ANKRD31: variants seen among roughly 807,000 people sequenced by gnomAD.
The protein encoded by ANKRD31 is ankyrin repeat domain 31.
ANKRD31 carries 147 observed loss-of-function variants against 186.0 expected under a neutral mutation model. The ratio of observed to expected loss-of-function variants is 0.79; its 90% CI spans 0.69 to 0.91. The LOEUF is 0.91. Among genes scored for constraint, ANKRD31 ranks in the 40% least tolerant of loss-of-function variants. The probability of loss-of-function intolerance (pLI) is 0.00; values close to 1 mark genes in which losing one functional copy is unlikely to be tolerated. For missense variants in ANKRD31, 1,986 were observed against 2,148.8 expected (o/e 0.92, Z 1.50); for synonymous variants, 673 against 736.4 (o/e 0.91, Z 1.39).
Position 75,175,843 on chromosome 5 carries a change from G to A in ANKRD31, c.1565-6722C>T, listed in dbSNP as rs556843262. Among the ~76,000 whole-genome samples the A allele has an allele frequency of 3.9e-5, 6 of 152,180 alleles. No homozygotes were observed. In the South Asian group the frequency reaches 1.2e-3, roughly 32 times the overall value. On this transcript the variant is annotated intron_variant, in intron 10 of 25. Coordinates refer to ENST00000506364, the MANE Select transcript of ANKRD31 (RefSeq NM_001372053.1). ...ACGGGTGATTTCTGCATTTCCAACTGCGGTACCGAGTTCATCTCACTGTGG... is the reference window on the plus strand; with the variant it reads ...ACGGGTGATTTCTGCATTTCCAACTACGGTACCGAGTTCATCTCACTGTGG...
intron 5 of ANKRD31, among the ~76,000 whole-genome samples, chr5:75,200,237 C>T (rs1414595947): frequency 1.3e-5 from 2 of 151,914 alleles, no homozygotes; most frequent in Non-Finnish European, 2.9e-5. Flanking sequence ...CAAGTTAGGT[C>T]AAAGGAGGAT....
chr5:75,116,814 C>G, intron 18 of ANKRD31, 133 bp from the exon 19 acceptor site: 1 of 447,916 alleles, frequency 2.2e-6, no homozygotes, highest in African/African-American at 2.0e-5. Context: ...CAACACTCAT[C>G]ATCGTCATTA....
chr5:75,103,233 C>A (rs542342492), intron 22 of ANKRD31, among the ~76,000 whole-genome samples: 139 of 152,112 alleles, frequency 9.1e-4, no homozygotes, highest in African/African-American at 3.2e-3. Context: ...ATATGGCCAA[C>A]AAAGATATGA....
chr5:75,175,927 G>A (rs1358238211), intron 10 of ANKRD31, among the ~76,000 whole-genome samples: 3 of 152,086 alleles, frequency 2.0e-5, no homozygotes, highest in Admixed American at 6.5e-5. Context: ...AGCCGAAGCA[G>A]GGTGAGGCAT....
In ANKRD31 at chr5:75,104,516, G is replaced by T. The variant is rs1747171363; in HGVS notation, c.5043C>A (p.Ser1681=). The T allele has an allele frequency of 2.0e-6, 3 of 1,537,026 alleles. No homozygotes were observed. Among genetic ancestry groups the T allele is most frequent in the Non-Finnish European group, 1.7e-6 (2 of 1,146,860 alleles). The change falls in exon 22 of 26, where the codon TCC becomes TCA. Residue 1681 remains serine (S), a synonymous_variant. Coordinates refer to ENST00000506364, the MANE Select transcript of ANKRD31 (RefSeq NM_001372053.1). ...CTGATGCCCCTGTAGGTGATTGCTG[G>T]GAACTTGTTTTTCTGTTTCCTCTTT... ...DPKRGNRKTS[S]QQSPTGASES... is the part of the protein sequence containing the mutation.
chr5:75,099,216 T>C (rs9765094), intron 22 of ANKRD31, among the ~76,000 whole-genome samples: 29,914 of 152,158 alleles, frequency 0.2, 3,099 homozygotes, highest in African/African-American at 0.25. Context: ...TGGTTCTGTT[T>C]ATATGATGGA....
chr5:75,196,241 C>T (rs1038472414), intron 6 of ANKRD31, 41 bp from the exon 7 acceptor site: 25 of 1,316,452 alleles, frequency 1.9e-5, no homozygotes, highest in South Asian at 8.5e-5. Flanking sequence ...ACAGCATATA[C>T]AATAAAGTAT....
chr5:75,220,263 C>T (rs1438411147), intron 3 of ANKRD31, among the ~76,000 whole-genome samples: 1 of 152,014 alleles, frequency 6.6e-6, no homozygotes, highest in African/African-American at 2.4e-5. Context: ...AAAACGTTTG[C>T]AAATTATACA....
chr5:75,216,154 T>C (rs1248224284), intron 3 of ANKRD31, among the ~76,000 whole-genome samples: 8 of 152,186 alleles, frequency 5.3e-5, no homozygotes, highest in African/African-American at 1.4e-4. Context: ...AACAAGCCCA[T>C]ACTCAGCAGA....
At chr5:75,201,266 T>C (rs576455498) in intron 5 of ANKRD31, among the ~76,000 whole-genome samples, 1 of 152,342 alleles carries the variant, frequency 6.6e-6, no homozygotes, top group South Asian at 2.1e-4. Context: ...GGCGTATTAC[T>C]TGCTCACAGC....
chr5:75,179,667 T>G (rs551292877), intron 10 of ANKRD31, among the ~76,000 whole-genome samples: 60 of 152,236 alleles, frequency 3.9e-4, no homozygotes, highest in African/African-American at 1.4e-3. Flanking sequence ...AAAAGGCCTT[T>G]GACAAAATTC....
intron 22 of ANKRD31, among the ~76,000 whole-genome samples, chr5:75,097,540 G>A (rs1247357965): frequency 6.6e-6 from 1 of 152,034 alleles, no homozygotes; most frequent in Non-Finnish European, 1.5e-5. Context: ...TAAGTTCTTT[G>A]TAGAGTCTGG....
intron 15 of ANKRD31, among the ~76,000 whole-genome samples, chr5:75,141,342 G>A (rs1396364555): frequency 6.6e-6 from 1 of 152,086 alleles, no homozygotes; most frequent in Non-Finnish European, 1.5e-5. Context: ...ACTTATGTGT[G>A]TGTGTGTGTG....
At chr5:75,170,200 T>C (rs1753216135) in intron 10 of ANKRD31, among the ~76,000 whole-genome samples, 2 of 152,160 alleles carry the variant, frequency 1.3e-5, no homozygotes, top group Non-Finnish European at 2.9e-5. Context: ...AAATGGACTA[T>C]ATGTATTCAA....
chr5:75,138,743 C>T (rs771349382), intron 16 of ANKRD31, 103 bp downstream of exon 16: 37 of 1,192,656 alleles, frequency 3.1e-5, no homozygotes, highest in Non-Finnish European at 4.0e-5. Context: ...AAAGTTATCA[C>T]TTACATATCA....
At position 75,146,210 on chromosome 5, in the gene ANKRD31, G is replaced by A; in HGVS notation, c.3201C>T (p.Tyr1067=). The change falls in exon 14 of 26, where the codon TAC becomes TAT. Residue 1067 remains tyrosine (Y), a synonymous_variant. Transcript: ENST00000506364. ...MAKNCDTERN[Y]IDRDQKIIYS... The stretch of plus-strand genomic sequence containing the variant: ...AAATTATTTTTTGGTCTCTGTCAAT[G>A]TAATTCCTCTCAGTGTCACAATTCT... 6.5e-7 allele frequency: 1 copy of A among 1,536,176 alleles called. No individual in the cohort carries two copies. Among genetic ancestry groups the A allele is most frequent in the Non-Finnish European group, 8.7e-7 (1 of 1,146,252 alleles).
Position 75,146,004 on chromosome 5 carries a change from T to C in ANKRD31, c.3407A>G (p.Glu1136Gly). The C allele has an allele frequency of 1.3e-6, 2 of 1,487,156 alleles. No homozygotes were observed. Among genetic ancestry groups the C allele is most frequent in the Non-Finnish European group, 1.8e-6 (2 of 1,126,480 alleles). 92.1% of individuals were successfully genotyped at this position (1,487,156 alleles called of 1,614,324 possible). A position where few individuals can be genotyped will look rare whatever the true frequency, so the allele number is the denominator to read the frequency against. The change falls in exon 14 of 26, where the codon GAA (glutamate) becomes GGA (glycine). Residue 1136 changes from glutamate (E) to glycine (G), a missense_variant. Transcript: ENST00000506364. ...ACTAATACCTGGTTTGTGAGAAATT[T>C]CCTTCTTTTCTCTTTGACTAAGTTT... ...ISKLSQREKK[E>G]ISHKPDEELT...
chr5:75,188,545 A>G lies in ANKRD31; in HGVS notation c.1512T>C (p.Leu504=). The G allele has an allele frequency of 6.5e-7, 1 of 1,536,438 alleles. No homozygotes were observed. The highest frequency in any genetic ancestry group is 8.7e-7 in the Non-Finnish European group (1 of 1,146,544). ...CACCTTTTTTTATACAATGATGAAC[A>G]AGATCAGCATCATCGTGTAGAGCAG... The part of the protein sequence containing the change: ...YKAALHDDAD[L]VHHCIKKGGN... The change falls in exon 10 of 26, where the codon CTT becomes CTC. Residue 504 remains leucine (L), a synonymous_variant. Coordinates refer to ENST00000506364, the MANE Select transcript of ANKRD31 (RefSeq NM_001372053.1).
intron 17 of ANKRD31, among the ~76,000 whole-genome samples, chr5:75,128,956 A>G (rs976481829): frequency 7.9e-5 from 12 of 152,064 alleles, no homozygotes. Context: ...AATACTGTAA[A>G]GGCCAAAGGG....
Sources: allele counts gnomAD v4.1 joint callset (sites outside exome capture counted in the v4.1 genomes callset), GRCh38; gene constraint gnomAD v4.1.1; transcripts MANE v1.5; gene names NCBI Gene and HGNC (gene_info 2026-07-23, HGNC 2026-07-21).